The following UBE2T variants were observed in gnomAD, a reference collection of about 807,000 sequenced individuals.
UBE2T encodes the protein ubiquitin conjugating enzyme E2 T, also known as ubiquitin-conjugating enzyme E2 T.
Under a neutral mutation model 23.3 loss-of-function variants are expected in UBE2T, and 15 were observed. The observed-to-expected ratio is 0.64, with a 90% CI of 0.43 to 0.99. The LOEUF is 0.99. Ranked by LOEUF, UBE2T falls within the 50% of genes least tolerant of loss-of-function variation. UBE2T has a pLI of 0.00. For synonymous variants in UBE2T, 67 were observed against 78.4 expected (o/e 0.85, Z 0.77); for missense variants, 197 against 234.9 (o/e 0.84, Z 1.05).
intron 1 of UBE2T, among the ~76,000 whole-genome samples, chr1:202,337,171 G>A (rs889675084): frequency 1.3e-5 from 2 of 152,062 alleles, no homozygotes; most frequent in African/African-American, 4.8e-5. Flanking sequence ...TTGAACTCCT[G>A]ACCTCGTGAT....
chr1:202,334,585 G>T (rs1415775060), intron 3 of UBE2T, among the ~76,000 whole-genome samples: 3 of 152,192 alleles, frequency 2.0e-5, no homozygotes, highest in African/African-American at 7.2e-5. Context: ...AATAGTGGTT[G>T]CCAGGGGCTG....
Position 202,333,062 on chromosome 1 carries a change from A to G in UBE2T, c.416T>C (p.Phe139Ser). Residue 139 changes from phenylalanine to serine, a missense_variant, in exon 6 of 7, where the codon TTC (phenylalanine) becomes TCC (serine). Coordinates refer to ENST00000646651, the MANE Select transcript of UBE2T (RefSeq NM_014176.4). Reference protein sequence around the residue: ...SSEFKYNKPAFLKNARQWTEK... With the variant: ...SSEFKYNKPASLKNARQWTEK... ...TGTCCACTGTCTGGCATTCTTGAGG[A>G]AGGCTGGCTTATTATATTTAAATTC... The G allele has an allele frequency of 6.2e-7, 1 of 1,613,748 alleles. No individual in the cohort carries two copies. Among genetic ancestry groups the G allele is most frequent in the Non-Finnish European group, 8.5e-7 (1 of 1,179,944 alleles).
At chr1:202,336,778 T>G (rs2148341291) in intron 1 of UBE2T, among the ~76,000 whole-genome samples, 1 of 152,320 alleles carries the variant, frequency 6.6e-6, no homozygotes, top group East Asian at 1.9e-4. Flanking sequence ...GGATTCCACC[T>G]TCTCCCAATC....
At chr1:202,334,043 T>C (rs1654827060) in intron 3 of UBE2T, among the ~76,000 whole-genome samples, 1 of 152,194 alleles carries the variant, frequency 6.6e-6, no homozygotes, top group Admixed American at 6.5e-5. Flanking sequence ...CCAGTCTATT[T>C]TTAGAACTGA....
chr1:202,340,332 G>A (rs1654973860), intron 1 of UBE2T, among the ~76,000 whole-genome samples: 2 of 151,878 alleles, frequency 1.3e-5, no homozygotes, highest in South Asian at 2.1e-4. Context: ...TGGCCAACAT[G>A]AGGAAACCCC....
chr1:202,337,491 T>G (rs1382464382), intron 1 of UBE2T, among the ~76,000 whole-genome samples: 1 of 152,218 alleles, frequency 6.6e-6, no homozygotes, highest in African/African-American at 2.4e-5. Flanking sequence ...TTGAATTTTA[T>G]GTATAGTGAG....
rs866672334 is a variant in UBE2T at position 202,336,239 on chromosome 1, A to G, written c.-64-421T>C. ...TTTTTTTTTTTTTTTTTTTTTTTTT[A>G]GAGGCAGGGTCTTGCTCTGTCACCC... On this transcript the variant is annotated intron_variant, in intron 1 of 6. Transcript: ENST00000646651. Among the ~76,000 whole-genome samples, 564 of 60,152 alleles carry G rather than the reference A, an allele frequency of 9.4e-3. 3 individuals carry two copies. The highest frequency in any genetic ancestry group is 0.038 in the African/African-American group (539 of 14,120). 39.5% of individuals were successfully genotyped at this position (60,152 alleles called of 152,430 possible). A position where few individuals can be genotyped will look rare whatever the true frequency, so the allele number is the denominator to read the frequency against.
Position 202,339,809 on chromosome 1 carries a change from G to T in UBE2T, c.-65+2086C>A, listed in dbSNP as rs372899524. ...AATTGCAGCACTTTGGGAGATCAAG[G>T]CAGAAGGATCACTTGAGGCCAGGGG... On this transcript the variant is annotated intron_variant, in intron 1 of 6. Transcript: ENST00000646651. 5.3e-5 allele frequency among the ~76,000 whole-genome samples: 8 copies of T among 152,108 alleles called. No homozygotes were observed. The East Asian group carries it at 1.3e-3, about 26-fold the overall frequency.
At position 202,335,466 on chromosome 1, in the gene UBE2T, AAAG is replaced by A. The variant is rs1422041993; in HGVS notation, c.109+177_109+179del. The A allele has an allele frequency of 2.4e-5, 15 of 627,426 alleles. No homozygotes were observed. The highest frequency in any genetic ancestry group is 5.8e-5 in the Admixed American group (2 of 34,366). The allele number at this position is 627,426 out of a possible 1,614,324, so 38.9% of individuals were successfully genotyped here. A position where few individuals can be genotyped will look rare whatever the true frequency, so the allele number is the denominator to read the frequency against. ...TCAGCATAAGGTATAATAAAAAGTC[AAAG>A]AAGCAAGAAATGTCAAGCAAACCTT... On this transcript the variant is annotated intron_variant, in intron 2 of 6. Transcript: ENST00000646651. This position sits in a 1 kb window ranked among gnomAD's most constrained non-coding sequence, Gnocchi z 4.0.
At chr1:202,337,405 G>A (rs1228752397) in intron 1 of UBE2T, among the ~76,000 whole-genome samples, 2 of 152,104 alleles carry the variant, frequency 1.3e-5, no homozygotes, top group African/African-American at 4.8e-5. Context: ...ACCCCCAAAT[G>A]TAGAGATATT....
intron 6 of UBE2T, among the ~76,000 whole-genome samples, 161 bp from the exon 7 acceptor site, chr1:202,332,121 TTG>T (rs1363006054): frequency 1.4e-4 from 21 of 152,362 alleles, no homozygotes; most frequent in African/African-American, 5.0e-4. Flanking sequence ...CTCAATTTTT[TTG>T]TTTTAATTTT....
chr1:202,341,577 C>CAAAAAAAAAA (rs57598991), intron 1 of UBE2T, among the ~76,000 whole-genome samples: 2 of 20,310 alleles, frequency 9.8e-5, no homozygotes, highest in Non-Finnish European at 7.7e-5. Flanking sequence ...GACTCCGTCT[C>CAAAAAAAAAA]AAAAAAAAAA....
chr1:202,333,133 A>G (rs753105779), intron 5 of UBE2T, 40 bp from the exon 6 acceptor site: 1 of 1,606,740 alleles, frequency 6.2e-7, no homozygotes, highest in Non-Finnish European at 8.5e-7. Context: ...GGAGAAAAAC[A>G]TGATTTGCAG....
intron 5 of UBE2T, 54 bp downstream of exon 5, chr1:202,333,183 T>G: frequency 2.5e-6 from 4 of 1,608,556 alleles, no homozygotes; most frequent in Non-Finnish European, 3.4e-6. Flanking sequence ...CAGGGAGAGT[T>G]AGCGGTATAG....
chr1:202,339,220 C>T (rs908906608), intron 1 of UBE2T, among the ~76,000 whole-genome samples: 1 of 150,912 alleles, frequency 6.6e-6, no homozygotes, highest in African/African-American at 2.4e-5. Flanking sequence ...TTACTTGAAT[C>T]TTATTCAAGT....
chr1:202,341,577 CAAAAAAAAAA>C (rs57598991), intron 1 of UBE2T, among the ~76,000 whole-genome samples: 11 of 20,308 alleles, frequency 5.4e-4, no homozygotes, highest in East Asian at 3.8e-3. Flanking sequence ...GACTCCGTCT[CAAAAAAAAAA>C]AAAAAAAAAA....
At position 202,333,327 on chromosome 1, in the gene UBE2T, C is replaced by G; in HGVS notation, c.294G>C (p.Trp98Cys). Residue 98 changes from tryptophan (W) to cysteine (C), a missense_variant, in exon 5 of 7, where the codon TGG becomes TGC. By Grantham distance (215) the Trp-to-Cys change is radical. Coordinates refer to ENST00000646651, the MANE Select transcript of UBE2T (RefSeq NM_014176.4). ...DVLKLPPKGA[W>C]RPSLNIATVL... is the part of the protein sequence containing the mutation. ...CAGTTGCGATGTTGAGGGATGGTCTCCAAGCACCCTATATACAAACAGATG... is the reference window on the plus strand; with the variant it reads ...CAGTTGCGATGTTGAGGGATGGTCTGCAAGCACCCTATATACAAACAGATG... 6.2e-7 allele frequency: 1 copy of G among 1,614,088 alleles called. No homozygotes were observed. Among genetic ancestry groups the G allele is most frequent in the Non-Finnish European group, 8.5e-7 (1 of 1,180,018 alleles).
intron 3 of UBE2T, 64 bp from the exon 4 acceptor site, chr1:202,333,619 T>C: frequency 1.4e-6 from 2 of 1,429,996 alleles, no homozygotes; most frequent in Admixed American, 1.9e-5. Flanking sequence ...TACATTTAAA[T>C]AGTTTCTTGG....
At chr1:202,336,218 T>A (rs1654880244) in intron 1 of UBE2T, among the ~76,000 whole-genome samples, 1 of 140,452 alleles carries the variant, frequency 7.1e-6, no homozygotes, top group South Asian at 2.4e-4. Flanking sequence ...AGCTTTTTTT[T>A]TTTTTTTTTT....
Sources: allele counts gnomAD v4.1 joint callset (sites outside exome capture counted in the v4.1 genomes callset), GRCh38; gene constraint gnomAD v4.1.1; non-coding constraint Gnocchi (gnomAD v3.1); transcripts MANE v1.5; gene names NCBI Gene and HGNC (gene_info 2026-07-23, HGNC 2026-07-21).